Variants in TENM1 observed in about 807,000 individuals in gnomAD.
The protein encoded by TENM1 is teneurin transmembrane protein 1, also known as teneurin-1.
Under a neutral mutation model 174.8 loss-of-function variants are expected in TENM1, and 35 were observed. The ratio of observed to expected loss-of-function variants is 0.20; its 90% CI spans 0.15 to 0.27. The LOEUF is 0.27. TENM1 is among the 10% of genes least tolerant of loss of function. TENM1 has a pLI of 1.00. For synonymous variants in TENM1, 781 were observed against 798.7 expected (o/e 0.98, Z 0.37); for missense variants, 1,633 against 2,130.1 (o/e 0.77, Z 4.59).
the TENM1 span, among the ~76,000 whole-genome samples, chrX:125,029,848 G>GGGTAGGGCA: frequency 9.0e-6 from 1 of 111,525 alleles, no homozygotes; most frequent in African/African-American, 3.3e-5. Context: ...CAGTTCACCA[G>GGGTAGGGCA]GGTAGGGCAC....
chrX:124,994,570 GTGTT>G, the TENM1 span, among the ~76,000 whole-genome samples: 1 of 110,683 alleles, frequency 9.0e-6, no homozygotes, highest in Non-Finnish European at 1.9e-5. Context: ...CAGTTCTATA[GTGTT>G]CTTCATTTCA....
intron 19 of TENM1, among the ~76,000 whole-genome samples, chrX:124,498,232 G>A (rs1458488818): frequency 9.0e-6 from 1 of 110,935 alleles, no homozygotes; most frequent in African/African-American, 3.3e-5. Context: ...CTCCCATTGA[G>A]TCTATCCCTT....
At chrX:124,405,488 A>G (rs963275950) in intron 26 of TENM1, among the ~76,000 whole-genome samples, 2 of 111,769 alleles carry the variant, frequency 1.8e-5, no homozygotes, top group African/African-American at 6.5e-5. Flanking sequence ...TTTCTTGGAT[A>G]AAAGACTCTT....
chrX:124,606,020 T>C (rs1198482904), intron 11 of TENM1, among the ~76,000 whole-genome samples: 1 of 111,745 alleles, frequency 8.9e-6, no homozygotes, highest in African/African-American at 3.2e-5. Context: ...GATGTTTTTC[T>C]TCTTTCAATC....
chrX:125,078,215 C>A, the TENM1 span, among the ~76,000 whole-genome samples: 1 of 111,778 alleles, frequency 8.9e-6, no homozygotes, highest in Non-Finnish European at 1.9e-5. Context: ...CAGTGTCTTT[C>A]TGCACAAATA....
intron 6 of TENM1, among the ~76,000 whole-genome samples, chrX:124,665,916 AG>A (rs2051748697): frequency 8.9e-6 from 1 of 111,758 alleles, no homozygotes; most frequent in African/African-American, 3.3e-5. Flanking sequence ...ACTGCCTGCT[AG>A]CCCCGCCTCT....
intron 1 of TENM1, among the ~76,000 whole-genome samples, chrX:124,899,017 A>C (rs2057611357): frequency 8.9e-6 from 1 of 111,888 alleles, no homozygotes; most frequent in Admixed American, 9.5e-5. Context: ...AGTTTCACTT[A>C]CTTATAGTAA....
chrX:124,432,678 G>A (rs755918841), intron 23 of TENM1, among the ~76,000 whole-genome samples: 1 of 111,844 alleles, frequency 8.9e-6, no homozygotes, highest in South Asian at 3.7e-4. Flanking sequence ...CACCCACCTC[G>A]GCCTCCCAAA....
chrX:124,796,976 C>T (rs775235391), intron 3 of TENM1, among the ~76,000 whole-genome samples: 8 of 111,893 alleles, frequency 7.1e-5, no homozygotes, highest in Admixed American at 5.7e-4. Flanking sequence ...GAATAAGGAA[C>T]ATCAGTCTAA....
chrX:124,618,239 T>C (rs1022934468), intron 11 of TENM1, among the ~76,000 whole-genome samples: 1 of 111,526 alleles, frequency 9.0e-6, no homozygotes, highest in Non-Finnish European at 1.9e-5. Flanking sequence ...CAGATTATCA[T>C]ACTCCAAATT....
At chrX:124,821,786 T>C (rs2056044146) in intron 3 of TENM1, among the ~76,000 whole-genome samples, 1 of 112,126 alleles carries the variant, frequency 8.9e-6, no homozygotes, top group Non-Finnish European at 1.9e-5. Context: ...TACTCAGTGA[T>C]AGCTTTAGCT....
At position 124,853,931 on chromosome X, in the gene TENM1, A is replaced by G. The variant is rs150442794; in HGVS notation, c.535+40365T>C. Among the ~76,000 whole-genome samples, 456 of 111,388 alleles carry G rather than the reference A, an allele frequency of 4.1e-3. 12 individuals are homozygous for G. The highest frequency in any genetic ancestry group is 0.031 in the Admixed American group (329 of 10,471). ...AAGATGGTGCAACTACAAGAGTGTC[A>G]ATGAGTTCACGGTTGAAATAGGGTA... On this transcript the variant is annotated intron_variant, in intron 3 of 31. Transcript: ENST00000422452.
intron 20 of TENM1, among the ~76,000 whole-genome samples, chrX:124,492,648 C>A (rs966893387): frequency 1.8e-5 from 2 of 110,611 alleles, no homozygotes; most frequent in African/African-American, 6.6e-5. Flanking sequence ...TCAATTAGAT[C>A]AAAATGATCA....
chrX:124,658,596 C>A (rs1452787027), intron 6 of TENM1, among the ~76,000 whole-genome samples: 1 of 111,497 alleles, frequency 9.0e-6, no homozygotes, highest in Non-Finnish European at 1.9e-5. Context: ...TAGGCCTTGG[C>A]AATTAACTGT....
intron 6 of TENM1, among the ~76,000 whole-genome samples, chrX:124,660,353 C>T (rs1223176134): frequency 1.9e-5 from 2 of 104,245 alleles, no homozygotes; most frequent in African/African-American, 7.2e-5. Flanking sequence ...CAAGCCTGGG[C>T]GACTGAGCTA....
chrX:124,925,518 T>C (rs186940408), intron 1 of TENM1, among the ~76,000 whole-genome samples: 225 of 112,472 alleles, frequency 2.0e-3, no homozygotes, highest in Non-Finnish European at 3.7e-3. Context: ...ACTAAAAATA[T>C]ATAGGTTTGT....
chrX:125,041,158 T>A, the TENM1 span, among the ~76,000 whole-genome samples: 5 of 111,953 alleles, frequency 4.5e-5, no homozygotes, highest in African/African-American at 1.6e-4. Flanking sequence ...TTGGATTATT[T>A]TTCTATGGTT....
chrX:124,979,827 A>G, the TENM1 span, among the ~76,000 whole-genome samples: 3 of 111,940 alleles, frequency 2.7e-5, no homozygotes, highest in Admixed American at 9.5e-5. Flanking sequence ...TTTAAGAGAC[A>G]TACTAACAAA....
At chrX:124,448,535 A>G (rs186031025) in intron 23 of TENM1, among the ~76,000 whole-genome samples, 150 of 102,779 alleles carry the variant, frequency 1.5e-3, no homozygotes, top group African/African-American at 4.6e-3. Context: ...CGCTGTTATT[A>G]TCTCTTCATT....
Sources: gnomAD v4.1 joint callset for allele counts (sites outside exome capture counted in the v4.1 genomes callset) on GRCh38, gnomAD v4.1.1 for gene constraint, MANE v1.5 for transcripts, NCBI Gene and HGNC (gene_info 2026-07-23, HGNC 2026-07-21) for gene names.